ADAM10: variants seen among roughly 807,000 people sequenced by gnomAD.
The protein encoded by ADAM10 is disintegrin and metalloproteinase domain-containing protein 10.
ADAM10 carries 17 observed loss-of-function variants against 90.1 expected under a neutral mutation model. The observed-to-expected ratio is 0.19, with a 90% CI of 0.13 to 0.28. ADAM10 has a LOEUF of 0.28. ADAM10 is among the 10% of genes least tolerant of loss of function. ADAM10 has a pLI of 1.00. For missense variants in ADAM10, 610 were observed against 914.3 expected, an observed-to-expected ratio of 0.67 and a Z score of 4.29; for synonymous variants, 310 against 298.6, an observed-to-expected ratio of 1.04 and a Z score of -0.40.
intron 10 of ADAM10, among the ~76,000 whole-genome samples, chr15:58,623,791 C>A (rs972009451): frequency 6.6e-6 from 1 of 151,930 alleles, no homozygotes; most frequent in Non-Finnish European, 1.5e-5. Flanking sequence ...GGGAGGGGAA[C>A]AACACACACC....
chr15:58,604,292 C>T (rs1345083756), intron 14 of ADAM10, among the ~76,000 whole-genome samples: 3 of 152,108 alleles, frequency 2.0e-5, no homozygotes, highest in African/African-American at 4.8e-5. Context: ...ACCTGGGAGA[C>T]GGTGGTTGCA....
intron 2 of ADAM10, among the ~76,000 whole-genome samples, chr15:58,699,349 G>A (rs1426410502): frequency 1.9e-4 from 29 of 152,060 alleles, no homozygotes; most frequent in African/African-American, 7.0e-4. Context: ...AAAACACACA[G>A]AAATATAAAG....
In ADAM10 at chr15:58,597,951, A is replaced by T. The variant is rs541991446; in HGVS notation, c.2153-310T>A. Reference sequence around the variant, plus strand: ...ACTAAATCTTCAAAGTCTGGTATGTATGTTAATTAAAACAGCACATTTCAA... The same window carrying T: ...ACTAAATCTTCAAAGTCTGGTATGTTTGTTAATTAAAACAGCACATTTCAA... On this transcript the variant is annotated intron_variant, in intron 15 of 15. Coordinates refer to ENST00000260408, the MANE Select transcript of ADAM10 (RefSeq NM_001110.4). Among the ~76,000 whole-genome samples, 16 of 152,326 alleles carry T rather than the reference A, an allele frequency of 1.1e-4. No individual in the cohort carries two copies. The South Asian group carries it at 3.1e-3, about 30-fold the overall frequency.
chr15:58,644,077 A>C (rs1896485952), intron 6 of ADAM10, 99 bp from the exon 7 acceptor site: 2 of 870,296 alleles, frequency 2.3e-6, no homozygotes, highest in East Asian at 5.0e-5. Flanking sequence ...ATGTCCTGCC[A>C]CATTCAAATT....
At chr15:58,733,907 A>T (rs1489799708) in intron 1 of ADAM10, among the ~76,000 whole-genome samples, 1 of 148,894 alleles carries the variant, frequency 6.7e-6, no homozygotes, top group South Asian at 2.1e-4. Flanking sequence ...TCATTACATT[A>T]TATATATATA....
chr15:58,748,945 C>T, intron 1 of ADAM10: 1 of 398,788 alleles, frequency 2.5e-6, no homozygotes, highest in East Asian at 3.6e-5. Context: ...GAACAATACA[C>T]GAGCCCAGCT....
chr15:58,664,520 CAT>C (rs1171525270), intron 5 of ADAM10, among the ~76,000 whole-genome samples: 2 of 152,042 alleles, frequency 1.3e-5, no homozygotes, highest in African/African-American at 2.4e-5. Context: ...GCTCAAGAAA[CAT>C]AACTCTACCA....
chr15:58,610,545 G>A, intron 13 of ADAM10, 28 bp from the exon 14 acceptor site: 1 of 1,596,950 alleles, frequency 6.3e-7, no homozygotes, highest in Non-Finnish European at 8.6e-7. Flanking sequence ...AATATAAGCT[G>A]AAGGTCAGAT....
chr15:58,692,719 G>T, intron 2 of ADAM10: 1 of 569,370 alleles, frequency 1.8e-6, no homozygotes, highest in Non-Finnish European at 3.5e-6. Context: ...GGAACTCCCA[G>T]CAGAAGATAC....
intron 13 of ADAM10, 154 bp downstream of exon 13, chr15:58,610,845 C>T (rs1210813559): frequency 8.7e-6 from 6 of 688,966 alleles, no homozygotes; most frequent in Non-Finnish European, 5.2e-6. Flanking sequence ...ATAATAGAGA[C>T]ACAATGCTAC....
In ADAM10 at chr15:58,628,846, CCAA is replaced by C. The variant is rs1217328304; in HGVS notation, c.1177-966_1177-964del. On this transcript the variant is annotated intron_variant, in intron 9 of 15. Transcript: ENST00000260408. ...AGGACGTTCTGTTTTTTCCTAGAGCCCAACTAAGTTACTTTCATTTTCTATTCC... is the reference window on the plus strand; with the variant it reads ...AGGACGTTCTGTTTTTTCCTAGAGCCCTAAGTTACTTTCATTTTCTATTCC... Among the ~76,000 whole-genome samples the C allele has an allele frequency of 3.9e-5, 6 of 152,270 alleles. No individual in the cohort carries two copies. In the South Asian group the frequency reaches 1.0e-3, roughly 26 times the overall value.
At chr15:58,725,276 G>A (rs1456945220) in intron 1 of ADAM10, among the ~76,000 whole-genome samples, 2 of 150,624 alleles carry the variant, frequency 1.3e-5, no homozygotes. Context: ...CATGCCTGCA[G>A]TCCCAGCACT....
chr15:58,681,984 G>T (rs188450793), intron 3 of ADAM10, among the ~76,000 whole-genome samples: 1 of 152,152 alleles, frequency 6.6e-6, no homozygotes, highest in Admixed American at 6.5e-5. Context: ...ACCCCTTTCA[G>T]AAGCCAGATA....
intron 14 of ADAM10, among the ~76,000 whole-genome samples, chr15:58,604,428 T>C (rs1471389166): frequency 6.6e-6 from 1 of 152,200 alleles, no homozygotes; most frequent in Non-Finnish European, 1.5e-5. Context: ...TAATAGGTTC[T>C]CCCAGTTCTG....
chr15:58,637,840 G>C (rs1213444057), intron 8 of ADAM10, among the ~76,000 whole-genome samples: 1 of 151,886 alleles, frequency 6.6e-6, no homozygotes, highest in African/African-American at 2.4e-5. Context: ...CAAAGTTTCT[G>C]AACACAAGTT....
chr15:58,712,671 A>C (rs1428498354), intron 2 of ADAM10, among the ~76,000 whole-genome samples: 2 of 148,578 alleles, frequency 1.3e-5, no homozygotes, highest in Admixed American at 1.3e-4. Context: ...ATACCAAAAA[A>C]AAAAATTAGC....
intron 2 of ADAM10, chr15:58,692,183 C>T (rs1366221132): frequency 1.8e-6 from 1 of 555,566 alleles, no homozygotes; most frequent in Non-Finnish European, 3.6e-6. Context: ...TAAAAAAGGT[C>T]AAAGGGAGCC....
At chr15:58,631,620 G>A (rs960611605) in intron 9 of ADAM10, among the ~76,000 whole-genome samples, 10 of 152,156 alleles carry the variant, frequency 6.6e-5, no homozygotes, top group African/African-American at 2.4e-4. Flanking sequence ...CTCAGGTGAT[G>A]TATATGCACA....
At chr15:58,599,483 A>T (rs1325208981) in intron 15 of ADAM10, 115 bp downstream of exon 15, 23 of 1,286,282 alleles carry the variant, frequency 1.8e-5, no homozygotes, top group Non-Finnish European at 2.5e-5. Flanking sequence ...CAATAATCCC[A>T]TTCTTACGGA....
Sources: allele counts gnomAD v4.1 joint callset (sites outside exome capture counted in the v4.1 genomes callset), GRCh38; gene constraint gnomAD v4.1.1; transcripts MANE v1.5; gene names NCBI Gene and HGNC (gene_info 2026-07-23, HGNC 2026-07-21).